The following GMCL2 variants were observed in gnomAD, a reference collection of about 807,000 sequenced individuals.
GMCL2 encodes germ cell-less protein-like 2.
In GMCL2, 33 loss-of-function variants were observed where a neutral mutation model predicts 36.2. The observed-to-expected ratio is 0.91, with a 90% CI of 0.69 to 1.22. The LOEUF is 1.22. Ranked by LOEUF, GMCL2 falls within the 50% of genes most tolerant of loss-of-function variation. GMCL2 has a pLI of 0.00. For missense variants in GMCL2, 478 were observed against 514.5 expected, an observed-to-expected ratio of 0.93 and a Z score of 0.69; for synonymous variants, 172 against 184.3, an observed-to-expected ratio of 0.93 and a Z score of 0.54.
At chr5:178,186,734 C>CAA in the GMCL2 span, 1 of 1,585,734 alleles carries the variant, frequency 6.3e-7, no homozygotes, top group African/African-American at 1.3e-5. Context: ...CTGCAGCATA[C>CAA]AAGCTGCTGC....
Position 178,187,050 on chromosome 5 carries a change from T to C in GMCL2, c.250A>G (p.Thr84Ala), listed in dbSNP as rs916863952. ...EGDKQQPLLN[T>A]PARKKLRSTS... Reference sequence around the variant, plus strand: ...CTCCTTAATTTTTTCCTTGCAGGGGTGTTGAGGAGCGGCTGCTGCTTGTCC... The same window carrying C: ...CTCCTTAATTTTTTCCTTGCAGGGGCGTTGAGGAGCGGCTGCTGCTTGTCC... The change falls in exon 1 of 1, where the codon ACC (threonine) becomes GCC (alanine). Residue 84 changes from threonine to alanine, a missense_variant. Physicochemically the swap from Thr to Ala is moderately conservative, Grantham distance 58. This residue lies in a region of GMCL2 where 36 missense variants were observed against 78.1 expected (regional missense o/e 0.46). Transcript: ENST00000463439. 3 of 1,153,742 alleles carry C rather than the reference T, an allele frequency of 2.6e-6. No homozygotes were observed. In the Admixed American group the frequency reaches 5.9e-5, roughly 23 times the overall value. The allele number at this position is 1,153,742 out of a possible 1,614,324, so 71.5% of individuals were successfully genotyped here.
chr5:178,186,903 A>T lies in GMCL2; in HGVS notation c.397T>A (p.Ser133Thr), dbSNP rs748744677. The T allele has an allele frequency of 1.7e-5, 27 of 1,602,364 alleles. No individual in the cohort carries two copies. The highest frequency in any genetic ancestry group is 2.1e-5 in the Non-Finnish European group (25 of 1,169,278). ...TTCCAAGAACCACTGAACATACTAG[A>T]AAAGTAGCCAGATTGACATAAATAT... ...KIYLCQSGYFSSMFSGSWKES... is the reference protein window; with the variant it reads ...KIYLCQSGYFTSMFSGSWKES... Residue 133 changes from serine to threonine, a missense_variant, in exon 1 of 1, where the codon TCT becomes ACT. Physicochemically the swap from Ser to Thr is moderately conservative, Grantham distance 58. This residue lies in a region of GMCL2 where 36 missense variants were observed against 78.1 expected (regional missense o/e 0.46). Transcript: ENST00000463439.
rs1189010969 is a variant in GMCL2 at position 178,184,824 on chromosome 5, G to A, written c.*895C>T. 4.6e-5 allele frequency among the ~76,000 whole-genome samples: 7 copies of A among 151,958 alleles called. No homozygotes were observed. The highest frequency in any genetic ancestry group is 8.8e-5 in the Non-Finnish European group (6 of 67,978). Reference sequence around the variant, plus strand: ...TCACTCAAAGCCACTCATCTCAGAGGGTATCAAGTCCTGAGCTTAAGTAGG... The same window carrying A: ...TCACTCAAAGCCACTCATCTCAGAGAGTATCAAGTCCTGAGCTTAAGTAGG... On this transcript the variant is annotated 3_prime_UTR_variant, in exon 1 of 1. Transcript: ENST00000463439.
In GMCL2 at chr5:178,187,233, C is replaced by T. The variant is rs771425331; in HGVS notation, c.67G>A (p.Ala23Thr). The T allele has an allele frequency of 2.8e-6, 3 of 1,075,270 alleles. No individual in the cohort carries two copies. The highest frequency in any genetic ancestry group is 2.7e-5 in the South Asian group (2 of 74,716). The allele number at this position is 1,075,270 out of a possible 1,614,324, so 66.6% of individuals were successfully genotyped here. A position where few individuals can be genotyped will look rare whatever the true frequency, so the allele number is the denominator to read the frequency against. ...RRALAQQEQG[A>T]RARGSARRPD... Reference sequence around the variant, plus strand: ...CTCCGGGCCGAGCCCCTGGCCCTGGCACCCTGTTCCTGCTGGGCAAGGGCT... The same window carrying T: ...CTCCGGGCCGAGCCCCTGGCCCTGGTACCCTGTTCCTGCTGGGCAAGGGCT... The change falls in exon 1 of 1, where the codon GCC (alanine) becomes ACC (threonine). Residue 23 changes from alanine (A) to threonine (T), a missense_variant. By Grantham distance (58) the Ala-to-Thr change is moderately conservative (BLOSUM62 0). Coordinates refer to ENST00000463439, the MANE Select transcript of GMCL2 (RefSeq NM_001358008.2).
Position 178,185,691 on chromosome 5 carries a change from G to T in GMCL2, c.*28C>A, listed in dbSNP as rs149488643. On this transcript the variant is annotated 3_prime_UTR_variant, in exon 1 of 1. Transcript: ENST00000463439. ...TAAAGCTGGCCTGAAAGTTTTCAAA[G>T]TGCTACTGTTTCCAACTGATGAGAT... 1 of 689,360 alleles carries T rather than the reference G, an allele frequency of 1.5e-6. No individual in the cohort carries two copies. Among genetic ancestry groups the T allele is most frequent in the Admixed American group, 2.0e-5 (1 of 49,258 alleles). The allele number at this position is 689,360 out of a possible 1,614,324, so 42.7% of individuals were successfully genotyped here.
chr5:178,186,403 C>T lies in GMCL2; in HGVS notation c.897G>A (p.Leu299=), dbSNP rs1036584046. ...PSWNGSLKQL[L]TETDVWFSKQ... Reference sequence around the variant, plus strand: ...TAGAAAACCAGACATCTGTTTCTGTCAAAAGCTGTTTTAAAGATCCATTCC... The same window carrying T: ...TAGAAAACCAGACATCTGTTTCTGTTAAAAGCTGTTTTAAAGATCCATTCC... Residue 299 remains leucine (L), a synonymous_variant, in exon 1 of 1, where the codon TTG becomes TTA. Transcript: ENST00000463439. 1.2e-6 allele frequency: 2 copies of T among 1,611,804 alleles called. No individual in the cohort carries two copies. Among genetic ancestry groups the T allele is most frequent in the Non-Finnish European group, 1.7e-6 (2 of 1,177,820 alleles).
At chr5:178,186,665 GT>G in the GMCL2 span, 1 of 1,214,072 alleles carries the variant, frequency 8.2e-7, no homozygotes, top group Non-Finnish European at 1.2e-6. Context: ...ACCGCATACA[GT>G]TTTCACATTA....
chr5:178,186,166 A>G lies in GMCL2; in HGVS notation c.1134T>C (p.Arg378=), dbSNP rs768728144. ...WFAMLRAEQD[R]EVGPQEINKE... Reference sequence around the variant, plus strand: ...TATTGATTTCTTGAGGCCCTACCTCACGGTCTTGTTCTGCCCGCAGCATAG... The same window carrying G: ...TATTGATTTCTTGAGGCCCTACCTCGCGGTCTTGTTCTGCCCGCAGCATAG... Residue 378 remains arginine, a synonymous_variant, in exon 1 of 1, where the codon CGT becomes CGC. Transcript: ENST00000463439. 2.4e-6 allele frequency: 2 copies of G among 828,998 alleles called. No homozygotes were observed. The highest frequency in any genetic ancestry group is 2.4e-5 in the East Asian group (1 of 41,352). The allele number at this position is 828,998 out of a possible 1,614,324, so 51.4% of individuals were successfully genotyped here.
At position 178,185,806 on chromosome 5, in the gene GMCL2, G is replaced by A. The variant is rs532568616; in HGVS notation, c.1494C>T (p.Phe498=). 1.1e-4 allele frequency: 104 copies of A among 988,572 alleles called. No homozygotes were observed. In the South Asian group the frequency reaches 1.2e-3, roughly 12 times the overall value. The allele number at this position is 988,572 out of a possible 1,614,324, so 61.2% of individuals were successfully genotyped here. ...VMNLDSRFLT[F]PLYICCNFLY... ...AGAAGTTACAGCAGATATATAAAGG[G>A]AAGGTCAGAAACCTGCTGTCCAAGT... Residue 498 remains phenylalanine (F), a synonymous_variant, in exon 1 of 1, where the codon TTC becomes TTT. Coordinates refer to ENST00000463439, the MANE Select transcript of GMCL2 (RefSeq NM_001358008.2).
In GMCL2 at chr5:178,185,574, A is replaced by T. The variant is rs1035496521; in HGVS notation, c.*145T>A. ...GTATATGCATAGAAATGCAATGAGG[A>T]TAAGAATAGTCTTCTGTATTGTCCG... On this transcript the variant is annotated 3_prime_UTR_variant, in exon 1 of 1. Transcript: ENST00000463439. The T allele has an allele frequency of 1.6e-5, 7 of 445,304 alleles. No homozygotes were observed. The highest frequency in any genetic ancestry group is 1.1e-4 in the Admixed American group (3 of 27,932). 27.6% of individuals were successfully genotyped at this position (445,304 alleles called of 1,614,324 possible).
chr5:178,186,455 C>T, the GMCL2 span: 1 of 1,599,090 alleles, frequency 6.3e-7, no homozygotes, highest in Non-Finnish European at 8.6e-7. Flanking sequence ...AAGGAACATC[C>T]ACTTTTTTAG....
At position 178,185,540 on chromosome 5, in the gene GMCL2, A is replaced by T. The variant is rs7715462; in HGVS notation, c.*179T>A. ...CAGATATTTTCTTGGCTTTAAAATG[A>T]TTTTTTTTGTATATGCATAGAAATG... On this transcript the variant is annotated 3_prime_UTR_variant, in exon 1 of 1. Coordinates refer to ENST00000463439, the MANE Select transcript of GMCL2 (RefSeq NM_001358008.2). 1.6e-4 allele frequency among the ~76,000 whole-genome samples: 25 copies of T among 152,366 alleles called. No individual in the cohort carries two copies. Among genetic ancestry groups the T allele is most frequent in the Admixed American group, 6.5e-4 (10 of 15,310 alleles).
rs755358488 is a variant in GMCL2 at position 178,186,508 on chromosome 5, A to G, written c.792T>C (p.Ser264=). ...INVMKQLIGS[S]NLFVMQVEMD... ...TCTCCACTTGCATCACAAATAAGTTAGAGGAACCAATGAGCTGTTTCATGA... is the reference window on the plus strand; with the variant it reads ...TCTCCACTTGCATCACAAATAAGTTGGAGGAACCAATGAGCTGTTTCATGA... Residue 264 remains serine (S), a synonymous_variant, in exon 1 of 1, where the codon TCT becomes TCC. Transcript: ENST00000463439. The G allele has an allele frequency of 2.0e-5, 27 of 1,367,550 alleles. No individual in the cohort carries two copies. The highest frequency in any genetic ancestry group is 2.7e-5 in the Non-Finnish European group (26 of 955,180). 84.7% of individuals were successfully genotyped at this position (1,367,550 alleles called of 1,614,324 possible).
In GMCL2 at chr5:178,184,617, A is replaced by C. The variant is rs115931401; in HGVS notation, c.*1102T>G. On this transcript the variant is annotated 3_prime_UTR_variant, in exon 1 of 1. Transcript: ENST00000463439. ...AGAAGTACTTACTCTAACTGGAAAG[A>C]AAATGAACATGGCTCTATTCAAAAC... Among the ~76,000 whole-genome samples, 1,113 of 152,354 alleles carry C rather than the reference A, an allele frequency of 7.3e-3. 5 individuals carry two copies. The highest frequency in any genetic ancestry group is 0.012 in the Non-Finnish European group (785 of 68,030).
Position 178,185,589 on chromosome 5 carries a change from T to A in GMCL2, c.*130A>T. The stretch of plus-strand genomic sequence containing the variant: ...TGCAATGAGGATAAGAATAGTCTTC[T>A]GTATTGTCCGTACAGTTCATAAGGC... On this transcript the variant is annotated 3_prime_UTR_variant, in exon 1 of 1. Coordinates refer to ENST00000463439, the MANE Select transcript of GMCL2 (RefSeq NM_001358008.2). The A allele has an allele frequency of 8.4e-6, 4 of 474,738 alleles. No individual in the cohort carries two copies. The highest frequency in any genetic ancestry group is 6.3e-5 in the South Asian group (3 of 47,516). The allele number at this position is 474,738 out of a possible 1,614,324, so 29.4% of individuals were successfully genotyped here.
Position 178,184,883 on chromosome 5 carries a change from T to A in GMCL2, c.*836A>T, listed in dbSNP as rs1234866044. Among the ~76,000 whole-genome samples, 1 of 152,084 alleles carries A rather than the reference T, an allele frequency of 6.6e-6. No homozygotes were observed. The highest frequency in any genetic ancestry group is 1.5e-5 in the Non-Finnish European group (1 of 68,000). On this transcript the variant is annotated 3_prime_UTR_variant, in exon 1 of 1. Coordinates refer to ENST00000463439, the MANE Select transcript of GMCL2 (RefSeq NM_001358008.2). ...CTCCCAACTAAAATTTGAACATAAA[T>A]AATTGTAAAGATCAGAGAATATTAA...
At position 178,185,550 on chromosome 5, in the gene GMCL2, T is replaced by C. The variant is rs554589592; in HGVS notation, c.*169A>G. Among the ~76,000 whole-genome samples, 26 of 152,368 alleles carry C rather than the reference T, an allele frequency of 1.7e-4. No homozygotes were observed. Among genetic ancestry groups the C allele is most frequent in the African/African-American group, 5.8e-4 (24 of 41,588 alleles). On this transcript the variant is annotated 3_prime_UTR_variant, in exon 1 of 1. Coordinates refer to ENST00000463439, the MANE Select transcript of GMCL2 (RefSeq NM_001358008.2). Reference sequence around the variant, plus strand: ...CTTGGCTTTAAAATGATTTTTTTTGTATATGCATAGAAATGCAATGAGGAT... The same window carrying C: ...CTTGGCTTTAAAATGATTTTTTTTGCATATGCATAGAAATGCAATGAGGAT...
the GMCL2 span, chr5:178,185,955 G>A: frequency 3.9e-6 from 3 of 768,216 alleles, no homozygotes; most frequent in Non-Finnish European, 4.8e-6. Flanking sequence ...ATGCTCCTTC[G>A]AGGCCGTAAA....
Position 178,187,245 on chromosome 5 carries a change from G to T in GMCL2, c.55C>A (p.Gln19Lys), listed in dbSNP as rs1469011395. 5.8e-6 allele frequency: 6 copies of T among 1,028,958 alleles called. No homozygotes were observed. The African/African-American group carries it at 7.8e-5, about 13-fold the overall frequency. 63.7% of individuals were successfully genotyped at this position (1,028,958 alleles called of 1,614,324 possible). ...LGQPRRALAQQEQGARARGSA... is the reference protein window; with the variant it reads ...LGQPRRALAQKEQGARARGSA... ...CCCCTGGCCCTGGCACCCTGTTCCT[G>T]CTGGGCAAGGGCTCGCCTCGGCTGG... Residue 19 changes from glutamine (Q) to lysine (K), a missense_variant, in exon 1 of 1, where the codon CAG becomes AAG. Transcript: ENST00000463439.
Sources: gnomAD v4.1 joint callset for allele counts (sites outside exome capture counted in the v4.1 genomes callset) on GRCh38, gnomAD v4.1.1 for gene constraint, gnomAD v4.1.1 regional missense constraint, MANE v1.5 for transcripts, NCBI Gene and HGNC (gene_info 2026-07-23, HGNC 2026-07-21) for gene names.